KAT14: variants seen among roughly 807,000 people sequenced by gnomAD.
The protein encoded by KAT14 is lysine acetyltransferase 14, also known as cysteine-rich protein 2-binding protein.
KAT14 carries 66 observed loss-of-function variants against 78.4 expected under a neutral mutation model. The observed-to-expected ratio is 0.84, with a 90% CI of 0.69 to 1.03. The LOEUF is 1.03. Among genes scored for constraint, KAT14 ranks in the 50% least tolerant of loss-of-function variants. KAT14 has a pLI of 0.00. For synonymous variants in KAT14, 344 were observed against 359.4 expected (o/e 0.96, Z 0.48); for missense variants, 870 against 972.5 (o/e 0.89, Z 1.40).
upstream of KAT14, among the ~76,000 whole-genome samples, chr20:18,137,298 A>T (rs1252584192): frequency 6.6e-6 from 1 of 151,474 alleles, no homozygotes; most frequent in African/African-American, 2.4e-5. Flanking sequence ...CAAAATTATA[A>T]TAATAATAAT....
Position 18,141,040 on chromosome 20 carries a change from T to A in KAT14, c.-453-1168T>A, listed in dbSNP as rs1441511047. The stretch of plus-strand genomic sequence containing the variant: ...TCCCTGCAATTTTTTTTTTTTTTTT[T>A]TTTTTTATTTTTATTTTTGCTAGAG... On this transcript the variant is annotated intron_variant, in intron 1 of 10. Coordinates refer to ENST00000688188, the MANE Select transcript of KAT14 (RefSeq NM_001392073.1). Among the ~76,000 whole-genome samples the A allele has an allele frequency of 1.6e-4, 9 of 55,160 alleles. No homozygotes were observed. In the East Asian group the frequency reaches 3.4e-3, roughly 21 times the overall value. 36.2% of individuals were successfully genotyped at this position (55,160 alleles called of 152,430 possible).
intron 7 of KAT14, among the ~76,000 whole-genome samples, chr20:18,165,284 G>A (rs2038599147): frequency 6.6e-6 from 1 of 152,198 alleles, no homozygotes; most frequent in African/African-American, 2.4e-5. Flanking sequence ...ATTAGATGAA[G>A]TTTCCTGGAG....
intron 4 of KAT14, among the ~76,000 whole-genome samples, chr20:18,152,375 G>A (rs916180932): frequency 2.0e-5 from 3 of 151,958 alleles, no homozygotes; most frequent in Non-Finnish European, 4.4e-5. Flanking sequence ...TCTGGAGTTC[G>A]AGACCAGCCT....
At chr20:18,137,830 A>T (rs2037348205), upstream of KAT14, 5 of 1,010,204 alleles carry the variant, frequency 4.9e-6, no homozygotes, top group East Asian at 1.3e-4. Context: ...CGAGCGGCGC[A>T]CGCGACGGCT....
intron 2 of KAT14, among the ~76,000 whole-genome samples, chr20:18,144,222 C>T (rs1411925233): frequency 1.3e-5 from 2 of 152,204 alleles, no homozygotes; most frequent in African/African-American, 4.8e-5. Flanking sequence ...ACAGGAAATG[C>T]AGAATTTACT....
At chr20:18,138,173 G>A (rs2146310627) in intron 1 of KAT14, 122 bp downstream of exon 1, 1 of 1,299,704 alleles carries the variant, frequency 7.7e-7, no homozygotes, top group Non-Finnish European at 9.8e-7. Context: ...CGGTGGCGCG[G>A]CCCTGCACCC....
intron 2 of KAT14, among the ~76,000 whole-genome samples, chr20:18,143,993 A>G (rs6132034): frequency 0.45 from 68,975 of 152,090 alleles, 15,854 homozygotes; most frequent in African/African-American, 0.5. Context: ...GCCAGCCATC[A>G]TATGGTTTAT....
rs2039328143 is a variant in KAT14, at chr20:18,183,236, G to A, written c.1919G>A (p.Cys640Tyr). The A allele has an allele frequency of 6.2e-7, 1 of 1,614,124 alleles. No individual in the cohort carries two copies. The highest frequency in any genetic ancestry group is 8.5e-7 in the Non-Finnish European group (1 of 1,180,020). Residue 640 changes from cysteine to tyrosine, a missense_variant, in exon 9 of 11, where the codon TGT becomes TAT. Physicochemically the swap from Cys to Tyr is radical, Grantham distance 194. Transcript: ENST00000688188. The part of the protein sequence containing the change: ...TPEPDAPLDY[C>Y]YVRPNHIPTI... ...GAGCCCGACGCACCTCTCGATTACT[G>A]TTATGTGCGGCCAAATCACATCCCA...
At chr20:18,178,207 C>T (rs1262038360) in intron 7 of KAT14, among the ~76,000 whole-genome samples, 4 of 151,982 alleles carry the variant, frequency 2.6e-5, no homozygotes, top group African/African-American at 9.7e-5. Flanking sequence ...TGCAGCCTGA[C>T]AATGCAGTAG....
chr20:18,153,884 A>G (rs1029925670), intron 4 of KAT14, among the ~76,000 whole-genome samples: 26 of 152,222 alleles, frequency 1.7e-4, no homozygotes, highest in Non-Finnish European at 3.5e-4. Context: ...AAATAAAACA[A>G]TGCTGTTAAA....
chr20:18,139,676 T>TG (rs1568660990), intron 1 of KAT14, among the ~76,000 whole-genome samples: 1 of 77,652 alleles, frequency 1.3e-5, no homozygotes, highest in East Asian at 1.3e-3. Flanking sequence ...GTGTGTGTGT[T>TG]TATTTTTTTT....
At chr20:18,169,465 T>G (rs1344252972) in intron 7 of KAT14, among the ~76,000 whole-genome samples, 1 of 152,216 alleles carries the variant, frequency 6.6e-6, no homozygotes, top group African/African-American at 2.4e-5. Context: ...TTTATGGTGG[T>G]CTGTGATCAG....
intron 2 of KAT14, 136 bp from the exon 3 acceptor site, chr20:18,145,097 C>A: frequency 7.1e-7 from 1 of 1,416,512 alleles, no homozygotes. Flanking sequence ...TTCCTTTTCC[C>A]CATTTTGCAA....
At chr20:18,138,278 C>G (rs1185567956) in intron 1 of KAT14, 3 of 1,215,706 alleles carry the variant, frequency 2.5e-6, no homozygotes, top group Admixed American at 4.5e-5. Flanking sequence ...CAGGACGACC[C>G]GGCTGCCCGG....
At position 18,164,611 on chromosome 20, in the gene KAT14, C is replaced by CTTTTTT. The variant is rs1568669495; in HGVS notation, c.1668+1668_1668+1669insTTTTTT. Among the ~76,000 whole-genome samples the CTTTTTT allele has an allele frequency of 4.7e-5, 2 of 42,492 alleles. 1 individual carries two copies. The highest frequency in any genetic ancestry group is 1.1e-4 in the Non-Finnish European group (2 of 17,942). 27.9% of individuals were successfully genotyped at this position (42,492 alleles called of 152,430 possible). A position where few individuals can be genotyped will look rare whatever the true frequency, so the allele number is the denominator to read the frequency against. On this transcript the variant is annotated intron_variant, in intron 7 of 10. Transcript: ENST00000688188. ...TTTGTTAGTCATCTATTCACTTGTTCTTGTTCTTTTTTTTTTTTTTTTTGA... is the reference window on the plus strand; with the variant it reads ...TTTGTTAGTCATCTATTCACTTGTTCTTTTTTTTGTTCTTTTTTTTTTTTTTTTTGA...
chr20:18,153,550 T>G (rs974879334), intron 4 of KAT14, among the ~76,000 whole-genome samples: 3 of 152,218 alleles, frequency 2.0e-5, no homozygotes, highest in African/African-American at 7.2e-5. Flanking sequence ...AGATTTAGAT[T>G]GCCTGTTTTT....
At chr20:18,146,803 C>G (rs2037844988) in intron 3 of KAT14, among the ~76,000 whole-genome samples, 2 of 151,904 alleles carry the variant, frequency 1.3e-5, no homozygotes, top group Admixed American at 1.3e-4. Flanking sequence ...TGTGATCGAG[C>G]CACTGTACTC....
chr20:18,147,808 A>T (rs936683336), intron 3 of KAT14, among the ~76,000 whole-genome samples: 1 of 151,998 alleles, frequency 6.6e-6, no homozygotes, highest in East Asian at 1.9e-4. Flanking sequence ...CTGGTCTCGA[A>T]CTCCTGACCT....
In KAT14 at chr20:18,181,693, G is replaced by C; in HGVS notation, c.1669-17G>C. On this transcript the variant is annotated splice_polypyrimidine_tract_variant and intron_variant, in intron 7 of 10. Coordinates refer to ENST00000688188, the MANE Select transcript of KAT14 (RefSeq NM_001392073.1). Reference sequence around the variant, plus strand: ...CTGAGTAATTATTTCTATATAACCAGTGTTTCTTTCTCATAGACTTCCTTG... The same window carrying C: ...CTGAGTAATTATTTCTATATAACCACTGTTTCTTTCTCATAGACTTCCTTG... 6.2e-7 allele frequency: 1 copy of C among 1,613,950 alleles called. No homozygotes were observed. The highest frequency in any genetic ancestry group is 8.5e-7 in the Non-Finnish European group (1 of 1,179,920).
Sources: gnomAD v4.1 joint callset for allele counts (sites outside exome capture counted in the v4.1 genomes callset) on GRCh38, gnomAD v4.1.1 for gene constraint, MANE v1.5 for transcripts, NCBI Gene and HGNC (gene_info 2026-07-23, HGNC 2026-07-21) for gene names.